Variants in VPS13B observed in about 807,000 individuals in gnomAD.
The protein encoded by VPS13B is intermembrane lipid transfer protein VPS13B.
A neutral mutation model predicts 426.4 loss-of-function variants in VPS13B; 285 were observed. The observed-to-expected ratio is 0.67, with a 90% confidence interval of 0.61 to 0.74. The LOEUF (loss-of-function observed/expected upper bound fraction) is 0.74, where lower values mean the gene tolerates loss of function less well. Ranked by LOEUF, VPS13B falls within the 30% of genes least tolerant of loss-of-function variation. The pLI is 0.00. For missense variants in VPS13B, 4,537 were observed against 4,782.6 expected (o/e 0.95, Z 1.51); for synonymous variants, 1,676 against 1,676.4 (o/e 1.00, Z 0.01).
intron 3 of VPS13B, among the ~76,000 whole-genome samples, chr8:99,090,913 G>A (rs1254199895): frequency 6.6e-6 from 1 of 151,794 alleles, no homozygotes; most frequent in East Asian, 1.9e-4. Context: ...ATCTTAGAGT[G>A]GATCTCACAG....
At chr8:99,721,155 A>G in intron 39 of VPS13B, 108 bp downstream of exon 39, 1 of 1,132,132 alleles carries the variant, frequency 8.8e-7, no homozygotes, top group Admixed American at 1.7e-5. Context: ...ATAGTATCAG[A>G]GAGAAATACA....
At chr8:99,017,042 C>A (rs147261873) in intron 2 of VPS13B, among the ~76,000 whole-genome samples, 324 of 152,140 alleles carry the variant, frequency 2.1e-3, no homozygotes, top group African/African-American at 7.6e-3. Flanking sequence ...CAATCTTTTC[C>A]CTTGTGGTTA....
intron 25 of VPS13B, among the ~76,000 whole-genome samples, chr8:99,497,320 A>C (rs773853284): frequency 6.9e-6 from 1 of 145,580 alleles, no homozygotes; most frequent in South Asian, 2.1e-4. Context: ...TAATATGTAT[A>C]TATTTATATA....
intron 33 of VPS13B, among the ~76,000 whole-genome samples, chr8:99,628,634 T>A (rs890466231): frequency 6.6e-6 from 1 of 151,980 alleles, no homozygotes; most frequent in Non-Finnish European, 1.5e-5. Flanking sequence ...CAACAAAAAC[T>A]TTAAAGATTT....
intron 17 of VPS13B, among the ~76,000 whole-genome samples, chr8:99,234,647 A>T (rs555191225): frequency 6.6e-6 from 1 of 152,224 alleles, no homozygotes; most frequent in Non-Finnish European, 1.5e-5. Flanking sequence ...TGAAAGTCTA[A>T]TTTTTCTAAG....
intron 22 of VPS13B, among the ~76,000 whole-genome samples, chr8:99,434,641 A>G: frequency 6.6e-6 from 1 of 152,230 alleles, no homozygotes; most frequent in East Asian, 1.9e-4. Context: ...ATACTAGTTA[A>G]TATAGGAGCC....
chr8:99,026,803 T>C (rs374360283), intron 2 of VPS13B, among the ~76,000 whole-genome samples: 321 of 152,308 alleles, frequency 2.1e-3, no homozygotes, highest in Non-Finnish European at 3.5e-3. Context: ...ATTTTTTCAT[T>C]TTAAGTTTAT....
Position 99,121,404 on chromosome 8 carries a change from T to C in VPS13B, c.1165T>C (p.Ser389Pro), listed in dbSNP as rs1401435394. Residue 389 changes from serine (S) to proline (P), a missense_variant, in exon 8 of 62, where the codon TCT becomes CCT. Transcript: ENST00000357162. The stretch of plus-strand genomic sequence containing the variant: ...ACAGACTTTGAAGGATCCTATTGTT[T>C]CTATAGGATTTTATTGCACAAAGGC... ...KAQTLKDPIV[S>P]IGFYCTKATV... 6.2e-7 allele frequency: 1 copy of C among 1,614,184 alleles called. No individual in the cohort carries two copies. Among genetic ancestry groups the C allele is most frequent in the South Asian group, 1.1e-5 (1 of 91,092 alleles).
intron 40 of VPS13B, among the ~76,000 whole-genome samples, chr8:99,768,583 A>G (rs1424599673): frequency 1.3e-5 from 2 of 152,202 alleles, no homozygotes; most frequent in Non-Finnish European, 2.9e-5. Context: ...GTAGCCTCAT[A>G]GTCTTTTTCA....
At chr8:99,354,428 T>A (rs898817606) in intron 19 of VPS13B, among the ~76,000 whole-genome samples, 2 of 151,596 alleles carry the variant, frequency 1.3e-5, no homozygotes, top group Non-Finnish European at 2.9e-5. Context: ...TTTAATTTTC[T>A]ATAGATGTCT....
chr8:99,649,893 A>G (rs930361366), intron 34 of VPS13B, among the ~76,000 whole-genome samples: 11 of 152,296 alleles, frequency 7.2e-5, no homozygotes, highest in African/African-American at 2.4e-4. Flanking sequence ...TGAACTGGGA[A>G]ATTCATCACA....
intron 31 of VPS13B, among the ~76,000 whole-genome samples, chr8:99,566,971 C>G (rs1825221222): frequency 6.6e-6 from 1 of 152,098 alleles, no homozygotes; most frequent in Admixed American, 6.5e-5. Flanking sequence ...TCATAGTTCA[C>G]TGTAACCTCC....
intron 19 of VPS13B, among the ~76,000 whole-genome samples, chr8:99,377,798 A>G (rs1588308577): frequency 6.6e-6 from 1 of 152,154 alleles, no homozygotes; most frequent in African/African-American, 2.4e-5. Flanking sequence ...TTTATTAGCA[A>G]TTTTCAAAGG....
intron 33 of VPS13B, among the ~76,000 whole-genome samples, chr8:99,582,805 G>A (rs567865387): frequency 1.2e-4 from 18 of 152,122 alleles, no homozygotes; most frequent in East Asian, 9.7e-4. Flanking sequence ...AGAGGCGCCC[G>A]CCACCACGCC....
At chr8:99,330,331 G>A (rs1810483889) in intron 19 of VPS13B, among the ~76,000 whole-genome samples, 1 of 151,772 alleles carries the variant, frequency 6.6e-6, no homozygotes, top group African/African-American at 2.4e-5. Flanking sequence ...GCCAGTGATG[G>A]GGGTATGTTA....
intron 19 of VPS13B, among the ~76,000 whole-genome samples, chr8:99,316,688 G>GT (rs1454776384): frequency 3.9e-5 from 6 of 152,060 alleles, no homozygotes; most frequent in Non-Finnish European, 5.9e-5. Context: ...CCTTTCTTGT[G>GT]TTTTTTCTCA....
chr8:99,448,313 T>C (rs1053035500), intron 23 of VPS13B, among the ~76,000 whole-genome samples: 1 of 151,942 alleles, frequency 6.6e-6, no homozygotes, highest in Non-Finnish European at 1.5e-5. Context: ...CATTGAAACA[T>C]GAAGTAGAAA....
chr8:99,018,776 C>T (rs552602947), intron 2 of VPS13B, among the ~76,000 whole-genome samples: 12 of 56,918 alleles, frequency 2.1e-4, no homozygotes, highest in Middle Eastern at 0.01. Flanking sequence ...TAATGATTTT[C>T]CAATGAGTTT....
At chr8:99,493,238 A>AT (rs1017464412) in intron 25 of VPS13B, among the ~76,000 whole-genome samples, 4 of 151,920 alleles carry the variant, frequency 2.6e-5, no homozygotes, top group African/African-American at 7.3e-5. Flanking sequence ...TGAATTCTAT[A>AT]TTTTTTTCTT....
Sources: gnomAD v4.1 joint callset for allele counts (sites outside exome capture counted in the v4.1 genomes callset) on GRCh38, gnomAD v4.1.1 for gene constraint, MANE v1.5 for transcripts, NCBI Gene and HGNC (gene_info 2026-07-23, HGNC 2026-07-21) for gene names.